TMEM131L: variants seen among roughly 807,000 people sequenced by gnomAD.
The protein encoded by TMEM131L is transmembrane 131 like, also known as transmembrane protein 131-like.
Under a neutral mutation model 192.2 loss-of-function variants are expected in TMEM131L, and 54 were observed. The ratio of observed to expected loss-of-function variants is 0.28; its 90% CI spans 0.23 to 0.35. The LOEUF is 0.35. TMEM131L is among the 10% of genes least tolerant of loss of function. TMEM131L has a pLI of 1.00. For synonymous variants in TMEM131L, 701 were observed against 704.9 expected (o/e 0.99, Z 0.09); for missense variants, 1,888 against 1,972.9 (o/e 0.96, Z 0.82).
intron 25 of TMEM131L, among the ~76,000 whole-genome samples, chr4:153,610,499 A>G (rs1732537598): frequency 6.6e-6 from 1 of 152,216 alleles, no homozygotes; most frequent in African/African-American, 2.4e-5. Flanking sequence ...TTTTTCTGAA[A>G]GTATAAGACC....
At chr4:153,624,567 A>G (rs993896492) in intron 29 of TMEM131L, among the ~76,000 whole-genome samples, 9 of 152,218 alleles carry the variant, frequency 5.9e-5, no homozygotes, top group African/African-American at 1.7e-4. Context: ...GGCACCTTGC[A>G]TTTGTCAAGC....
chr4:153,583,574 A>T lies in TMEM131L; in HGVS notation c.962A>T (p.His321Leu). ...TTTCTTTTATTTCAGGATATACGCC[A>T]TTTCTCACAGAGAGATGCTCTGTCT... ...NSLIWIQDIR[H>L]FSQRDALSLQ... Residue 321 changes from histidine (H) to leucine (L), a missense_variant, in exon 11 of 35, where the codon CAT (histidine) becomes CTT (leucine). Physicochemically the swap from His to Leu is moderately conservative, Grantham distance 99. Coordinates refer to ENST00000409959, the MANE Select transcript of TMEM131L (RefSeq NM_001131007.2). 1 of 1,608,158 alleles carries T rather than the reference A, an allele frequency of 6.2e-7. No homozygotes were observed. The highest frequency in any genetic ancestry group is 1.3e-5 in the African/African-American group (1 of 74,866).
intron 3 of TMEM131L, among the ~76,000 whole-genome samples, chr4:153,532,196 A>G (rs1251296967): frequency 2.0e-5 from 3 of 152,230 alleles, no homozygotes; most frequent in African/African-American, 4.8e-5. Context: ...ACTGCAGCTT[A>G]CAAAGCACTG....
chr4:153,516,086 G>A lies in TMEM131L; in HGVS notation c.240-33987G>A, dbSNP rs1282738740. ...AATTGTATTTTTATTTTTGAGTCAT[G>A]TACTATAAATGGTATGTTATTTTTA... On this transcript the variant is annotated intron_variant, in intron 3 of 34. Coordinates refer to ENST00000409959, the MANE Select transcript of TMEM131L (RefSeq NM_001131007.2). Among the ~76,000 whole-genome samples the A allele has an allele frequency of 2.6e-5, 4 of 152,048 alleles. 1 individual carries two copies. In the South Asian group the frequency reaches 6.2e-4, roughly 24 times the overall value.
At chr4:153,541,697 T>C (rs1305593788) in intron 3 of TMEM131L, among the ~76,000 whole-genome samples, 3 of 152,176 alleles carry the variant, frequency 2.0e-5, no homozygotes, top group African/African-American at 7.2e-5. Flanking sequence ...TTGGCTGATT[T>C]GAGCTGAAAA....
chr4:153,626,195 T>C lies in TMEM131L; in HGVS notation c.4094T>C (p.Leu1365Ser). The change falls in exon 30 of 35, where the codon TTG becomes TCG. Residue 1365 changes from leucine (L) to serine (S), a missense_variant. Coordinates refer to ENST00000409959, the MANE Select transcript of TMEM131L (RefSeq NM_001131007.2). ...NDFPSEAPISLNLSHNICNPM... is the reference protein window; with the variant it reads ...NDFPSEAPISSNLSHNICNPM... The stretch of plus-strand genomic sequence containing the variant: ...TTTCCTTCTGAAGCTCCCATCTCCT[T>C]GAATCTTTCTCATAACATCTGCAAT... 6.2e-7 allele frequency: 1 copy of C among 1,612,032 alleles called. No homozygotes were observed. The highest frequency in any genetic ancestry group is 8.5e-7 in the Non-Finnish European group (1 of 1,178,200).
chr4:153,488,105 G>A (rs1278784864), intron 3 of TMEM131L, among the ~76,000 whole-genome samples: 3 of 150,362 alleles, frequency 2.0e-5, no homozygotes, highest in East Asian at 2.0e-4. Flanking sequence ...TTTTGTGTGC[G>A]TGTGTGTGTG....
intron 31 of TMEM131L, among the ~76,000 whole-genome samples, chr4:153,631,651 G>A (rs1734216751): frequency 6.6e-6 from 1 of 152,246 alleles, no homozygotes; most frequent in South Asian, 2.1e-4. Context: ...AAGGTTGCCA[G>A]TGCCTCTGGC....
intron 29 of TMEM131L, 49 bp downstream of exon 29, chr4:153,623,132 C>A (rs771638978): frequency 5.4e-6 from 8 of 1,478,596 alleles, no homozygotes; most frequent in Non-Finnish European, 7.2e-6. Context: ...CTTCCCTCTG[C>A]CCTCCCACGT....
chr4:153,591,331 G>C (rs1303195239), intron 17 of TMEM131L, 137 bp downstream of exon 17: 3 of 707,704 alleles, frequency 4.2e-6, no homozygotes, highest in Non-Finnish European at 6.6e-6. Flanking sequence ...TAGATGAGCA[G>C]TAAAACTCTA....
At chr4:153,573,865 C>T (rs1228556236) in intron 7 of TMEM131L, among the ~76,000 whole-genome samples, 2 of 152,094 alleles carry the variant, frequency 1.3e-5, no homozygotes, top group Non-Finnish European at 2.9e-5. Context: ...AAAATGCTTC[C>T]CCCAAGCATC....
Position 153,586,165 on chromosome 4 carries a change from T to G in TMEM131L, c.1312-44T>G, listed in dbSNP as rs79630571. ...TACTTTATAATGATTTTAATCATAA[T>G]TAGTGTTAGGAAAAGTAATTTCTCT... On this transcript the variant is annotated intron_variant, in intron 13 of 34. Coordinates refer to ENST00000409959, the MANE Select transcript of TMEM131L (RefSeq NM_001131007.2). 8.8e-3 allele frequency: 11,818 copies of G among 1,343,546 alleles called. 207 individuals are homozygous for G. The highest frequency in any genetic ancestry group is 0.062 in the African/African-American group (4,149 of 66,614). The allele number at this position is 1,343,546 out of a possible 1,614,324, so 83.2% of individuals were successfully genotyped here. A position where few individuals can be genotyped will look rare whatever the true frequency, so the allele number is the denominator to read the frequency against.
In TMEM131L at chr4:153,496,327, G is replaced by T. The variant is rs147121946; in HGVS notation, c.239+22439G>T. Among the ~76,000 whole-genome samples, 1,406 of 152,130 alleles carry T rather than the reference G, an allele frequency of 9.2e-3. 23 individuals are homozygous for T. The highest frequency in any genetic ancestry group is 0.032 in the African/African-American group (1,337 of 41,494). Reference sequence around the variant, plus strand: ...AGCCTGGTACAAAAATTAAATACGGGGCTGCTCCATTGCATCGAAAACGGG... The same window carrying T: ...AGCCTGGTACAAAAATTAAATACGGTGCTGCTCCATTGCATCGAAAACGGG... On this transcript the variant is annotated intron_variant, in intron 3 of 34. Coordinates refer to ENST00000409959, the MANE Select transcript of TMEM131L (RefSeq NM_001131007.2).
At chr4:153,538,672 C>T (rs1435882697) in intron 3 of TMEM131L, among the ~76,000 whole-genome samples, 4 of 152,328 alleles carry the variant, frequency 2.6e-5, no homozygotes, top group East Asian at 1.9e-4. Context: ...GTATTAGTTC[C>T]GCTGAGCAGC....
chr4:153,486,952 G>A (rs1732379390), intron 3 of TMEM131L, among the ~76,000 whole-genome samples: 1 of 152,232 alleles, frequency 6.6e-6, no homozygotes, highest in Admixed American at 6.5e-5. Flanking sequence ...CGAGAAATGA[G>A]CGGTCTAGGG....
chr4:153,602,099 A>T, intron 21 of TMEM131L, 53 bp from the exon 22 acceptor site: 1 of 1,069,716 alleles, frequency 9.3e-7, no homozygotes, highest in Non-Finnish European at 1.3e-6. Flanking sequence ...AAATTATTTT[A>T]AATAAATTTT....
chr4:153,619,756 T>C (rs1335161441), intron 26 of TMEM131L, among the ~76,000 whole-genome samples: 1 of 152,258 alleles, frequency 6.6e-6, no homozygotes, highest in African/African-American at 2.4e-5. Context: ...TCACAATTCC[T>C]ACTCTGATTG....
intron 22 of TMEM131L, 50 bp from the exon 23 acceptor site, chr4:153,602,492 C>T (rs1731910910): frequency 1.3e-6 from 2 of 1,588,982 alleles, no homozygotes; most frequent in Non-Finnish European, 1.7e-6. Flanking sequence ...TGCCTTGTGG[C>T]TAAAATCAAA....
At chr4:153,543,417 G>T (rs1736942022) in intron 3 of TMEM131L, among the ~76,000 whole-genome samples, 1 of 152,158 alleles carries the variant, frequency 6.6e-6, no homozygotes, top group African/African-American at 2.4e-5. Flanking sequence ...TTATAACTAT[G>T]TAGTTGTGTA....
Sources: gnomAD v4.1 joint callset for allele counts (sites outside exome capture counted in the v4.1 genomes callset) on GRCh38, gnomAD v4.1.1 for gene constraint, MANE v1.5 for transcripts, NCBI Gene and HGNC (gene_info 2026-07-23, HGNC 2026-07-21) for gene names.